Variants in FHOD3 observed in about 807,000 individuals in gnomAD.
FHOD3 encodes formin homology 2 domain containing 3.
A neutral mutation model predicts 173.0 loss-of-function variants in FHOD3; 90 were observed. The ratio of observed to expected loss-of-function variants is 0.52; its 90% confidence interval spans 0.44 to 0.62. FHOD3 has a LOEUF of 0.62. Ranked by LOEUF, FHOD3 falls within the 20% of genes least tolerant of loss-of-function variation. The pLI is 0.00. For missense variants in FHOD3, 1,945 were observed against 2,034.7 expected (o/e 0.96, Z 0.85); for synonymous variants, 828 against 823.0 (o/e 1.01, Z -0.10).
At chr18:36,673,222 A>G (rs2037646720) in intron 14 of FHOD3, among the ~76,000 whole-genome samples, 1 of 152,176 alleles carries the variant, frequency 6.6e-6, no homozygotes, top group Non-Finnish European at 1.5e-5. Context: ...GTTGTCTTGT[A>G]TCGTTCTTCT....
At chr18:36,731,106 T>C (rs2041336908) in intron 20 of FHOD3, among the ~76,000 whole-genome samples, 1 of 152,210 alleles carries the variant, frequency 6.6e-6, no homozygotes, top group Admixed American at 6.5e-5. Context: ...TCTTGTTTCA[T>C]GTCATTTTAA....
chr18:36,752,476 TA>T (rs1455136864), intron 24 of FHOD3, among the ~76,000 whole-genome samples: 3 of 152,178 alleles, frequency 2.0e-5, no homozygotes, highest in Admixed American at 1.3e-4. Context: ...GCTTACTGGT[TA>T]GGGGGGCCAG....
intron 3 of FHOD3, among the ~76,000 whole-genome samples, chr18:36,376,088 G>A (rs908379994): frequency 6.6e-6 from 1 of 152,162 alleles, no homozygotes; most frequent in Non-Finnish European, 1.5e-5. Context: ...TCCCTGAAAA[G>A]TGATCCTGTT....
At chr18:36,391,723 G>T (rs759799655) in intron 3 of FHOD3, among the ~76,000 whole-genome samples, 1 of 152,126 alleles carries the variant, frequency 6.6e-6, no homozygotes, top group East Asian at 1.9e-4. Flanking sequence ...GTTGGTCATC[G>T]TGTGCACACC....
chr18:36,544,025 A>G (rs1343599965), intron 5 of FHOD3, among the ~76,000 whole-genome samples: 1 of 152,218 alleles, frequency 6.6e-6, no homozygotes, highest in Admixed American at 6.5e-5. Flanking sequence ...TGGTTTTAAC[A>G]TCTTATATAG....
chr18:36,755,928 C>T (rs928635276), intron 25 of FHOD3, among the ~76,000 whole-genome samples: 2 of 152,156 alleles, frequency 1.3e-5, no homozygotes, highest in African/African-American at 4.8e-5. Flanking sequence ...GGAGCCCCTG[C>T]ACACTTACAT....
At chr18:36,636,657 T>G (rs75071026) in intron 10 of FHOD3, among the ~76,000 whole-genome samples, 41 of 99,616 alleles carry the variant, frequency 4.1e-4, no homozygotes, top group Non-Finnish European at 7.2e-4. Flanking sequence ...ATTCCTGAGG[T>G]TTTTTTTTTT....
intron 26 of FHOD3, 132 bp from the exon 27 acceptor site, chr18:36,760,476 T>G: frequency 1.3e-6 from 1 of 765,922 alleles, no homozygotes; most frequent in Non-Finnish European, 1.9e-6. Flanking sequence ...CTTCAGTGAC[T>G]GCCGTAATGA....
chr18:36,668,443 AT>A (rs369488889), intron 14 of FHOD3, among the ~76,000 whole-genome samples: 57 of 150,776 alleles, frequency 3.8e-4, no homozygotes, highest in Non-Finnish European at 7.8e-4. Context: ...AGATTTATCA[AT>A]TTTTTTTTGA....
At chr18:36,526,592 G>A (rs1235567119) in intron 5 of FHOD3, among the ~76,000 whole-genome samples, 2 of 152,062 alleles carry the variant, frequency 1.3e-5, no homozygotes, top group Non-Finnish European at 2.9e-5. Flanking sequence ...TATTAGAAAT[G>A]GAGTTTCACC....
At chr18:36,470,409 C>T (rs995497936) in intron 3 of FHOD3, among the ~76,000 whole-genome samples, 2 of 152,176 alleles carry the variant, frequency 1.3e-5, no homozygotes, top group African/African-American at 2.4e-5. Context: ...ACGTCTATGA[C>T]GGTTGTCTTG....
chr18:36,493,428 T>C (rs2145834971), intron 3 of FHOD3, among the ~76,000 whole-genome samples: 1 of 152,208 alleles, frequency 6.6e-6, no homozygotes, highest in South Asian at 2.1e-4. Context: ...TGGGGGTTCG[T>C]TTGTCACGTG....
intron 3 of FHOD3, among the ~76,000 whole-genome samples, chr18:36,482,658 C>T (rs758560102): frequency 2.0e-5 from 3 of 152,122 alleles, no homozygotes; most frequent in Non-Finnish European, 4.4e-5. Context: ...GTCACCAGGA[C>T]TTTTTGGTTT....
In FHOD3 at chr18:36,718,369, C is replaced by G; in HGVS notation, c.3071C>G (p.Pro1024Arg). The G allele has an allele frequency of 6.3e-7, 1 of 1,581,188 alleles. No individual in the cohort carries two copies. The highest frequency in any genetic ancestry group is 8.6e-7 in the Non-Finnish European group (1 of 1,162,468). Residue 1024 changes from proline to arginine, a missense_variant, in exon 19 of 29, where the codon CCA (proline) becomes CGA (arginine). Pro to Arg is a moderately radical substitution (Grantham distance 103). Around this residue, in one of 5 missense-constraint regions of FHOD3, gnomAD observed 1,099 missense variants for 1,051.2 expected, o/e 1.05. Transcript: ENST00000590592. ...GHREAPGPPP[P>R]PPPTFLGLPP... ...AGGGAGGCCCCTGGGCCACCTCCCC[C>G]ACCCCCACCCACCTTTCTGGGTTTG...
chr18:36,602,689 C>T lies in FHOD3; in HGVS notation c.734C>T (p.Ser245Leu). 6.2e-7 allele frequency: 1 copy of T among 1,613,984 alleles called. No homozygotes were observed. Residue 245 changes from serine (S) to leucine (L), a missense_variant, in exon 8 of 29, where the codon TCA becomes TTA. This residue lies in a region of FHOD3 where 1,099 missense variants were observed against 1,051.2 expected (regional missense o/e 1.05). Transcript: ENST00000590592. ...VDTKRGVKPW[S>L]NIMEILEEKD... ...TTACTCATAGGGGTCAAACCTTGGT[C>T]AAATATCATGGAAATCCTGGAGGAA...
chr18:36,389,325 C>T (rs1050982289), intron 3 of FHOD3, among the ~76,000 whole-genome samples: 2 of 152,198 alleles, frequency 1.3e-5, no homozygotes, highest in African/African-American at 4.8e-5. Flanking sequence ...ATATTCCTCC[C>T]ACCCCGCCAT....
intron 3 of FHOD3, among the ~76,000 whole-genome samples, chr18:36,467,272 T>C (rs1272252364): frequency 3.9e-5 from 6 of 152,194 alleles, no homozygotes; most frequent in Non-Finnish European, 1.5e-5. Flanking sequence ...TCTGACAGAC[T>C]GTCAGCCCCT....
chr18:36,337,171 C>CAA (rs772519016), intron 1 of FHOD3, among the ~76,000 whole-genome samples: 3 of 63,618 alleles, frequency 4.7e-5, no homozygotes, highest in Admixed American at 1.5e-4. Context: ...GACTCTGTCT[C>CAA]AAAAAAAAAA....
chr18:36,747,152 A>T lies in FHOD3; in HGVS notation c.4232+17A>T. 1.9e-6 allele frequency: 3 copies of T among 1,583,254 alleles called. No individual in the cohort carries two copies. Among genetic ancestry groups the T allele is most frequent in the Non-Finnish European group, 2.6e-6 (3 of 1,164,616 alleles). The stretch of plus-strand genomic sequence containing the variant: ...AATCAACAGGTAAGTGGATTGAGGA[A>T]CTTATAGAAATATCAGTACAATGGC... On this transcript the variant is annotated intron_variant, in intron 24 of 28. Coordinates refer to ENST00000590592, the MANE Select transcript of FHOD3 (RefSeq NM_001281740.3).
Sources: gnomAD v4.1 joint callset for allele counts (sites outside exome capture counted in the v4.1 genomes callset) on GRCh38, gnomAD v4.1.1 for gene constraint, gnomAD v4.1.1 regional missense constraint, MANE v1.5 for transcripts, NCBI Gene and HGNC (gene_info 2026-07-23, HGNC 2026-07-21) for gene names.